Variants in DOCK4 observed in about 807,000 individuals in gnomAD.
DOCK4 encodes the protein dedicator of cytokinesis protein 4.
In DOCK4, 97 loss-of-function variants were observed where a neutral mutation model predicts 268.1. That is an observed-to-expected ratio of 0.36 (90% CI 0.31 to 0.43). The LOEUF is 0.43. Ranked by LOEUF, DOCK4 falls within the 20% of genes least tolerant of loss-of-function variation. The probability of loss-of-function intolerance (pLI) is 1.00; values close to 1 mark genes in which losing one functional copy is unlikely to be tolerated. For missense variants in DOCK4, 2,145 were observed against 2,455.7 expected, an observed-to-expected ratio of 0.87 and a Z score of 2.67; for synonymous variants, 954 against 887.2, an observed-to-expected ratio of 1.08 and a Z score of -1.34.
chr7:111,835,840 A>C (rs1196142322), intron 25 of DOCK4, among the ~76,000 whole-genome samples: 1 of 152,200 alleles, frequency 6.6e-6, no homozygotes, highest in Non-Finnish European at 1.5e-5. Context: ...CAAGGATGCT[A>C]TAATACTTAA....
intron 1 of DOCK4, among the ~76,000 whole-genome samples, chr7:112,138,478 TATTTGCAGAAGAAATTTTTACA>T (rs1814572195): frequency 6.6e-6 from 1 of 152,148 alleles, no homozygotes; most frequent in Non-Finnish European, 1.5e-5. Flanking sequence ...GCCAAGAAAG[TATTTGCAGAAGAAATTTTTACA>T]ATTTACATAT....
At chr7:111,840,901 A>T in intron 25 of DOCK4, 2 of 1,234,424 alleles carry the variant, frequency 1.6e-6, no homozygotes, top group Non-Finnish European at 1.1e-6. Flanking sequence ...AATTCAACAG[A>T]TCTTCAGTCT....
intron 1 of DOCK4, among the ~76,000 whole-genome samples, chr7:112,157,459 C>T (rs1816724464): frequency 6.6e-6 from 1 of 152,102 alleles, no homozygotes; most frequent in Admixed American, 6.5e-5. Context: ...CAACTACATA[C>T]CTGTGTAATC....
intron 20 of DOCK4, among the ~76,000 whole-genome samples, chr7:111,869,945 C>G (rs1374160225): frequency 6.6e-6 from 1 of 152,156 alleles, no homozygotes; most frequent in African/African-American, 2.4e-5. Context: ...AAGGACTGTG[C>G]CCAACCAAGT....
chr7:112,139,460 A>T (rs566928414), intron 1 of DOCK4, among the ~76,000 whole-genome samples: 1 of 152,234 alleles, frequency 6.6e-6, no homozygotes, highest in African/African-American at 2.4e-5. Flanking sequence ...GTTATTTTTT[A>T]AAATATAAAG....
At chr7:111,987,925 C>G (rs184330554) in intron 6 of DOCK4, among the ~76,000 whole-genome samples, 1 of 152,300 alleles carries the variant, frequency 6.6e-6, no homozygotes, top group African/African-American at 2.4e-5. Flanking sequence ...CAACAAAATA[C>G]CGGAAGTCCT....
intron 30 of DOCK4, among the ~76,000 whole-genome samples, chr7:111,803,441 T>C (rs1192331566): frequency 6.6e-6 from 1 of 152,236 alleles, no homozygotes; most frequent in Admixed American, 6.5e-5. Flanking sequence ...TTTTGAAGTA[T>C]TTAGGGCACC....
chr7:112,030,975 T>C (rs183900234), intron 1 of DOCK4, among the ~76,000 whole-genome samples: 19 of 152,344 alleles, frequency 1.2e-4, no homozygotes, highest in East Asian at 3.9e-4. Flanking sequence ...CCATGTTCTC[T>C]CGTGATTTGC....
At chr7:111,915,996 T>C in intron 12 of DOCK4, 92 bp from the exon 13 acceptor site, 1 of 1,378,224 alleles carries the variant, frequency 7.3e-7, no homozygotes, top group East Asian at 2.5e-5. Flanking sequence ...ATTTAGAATA[T>C]CATGGTTTTA....
intron 44 of DOCK4, among the ~76,000 whole-genome samples, chr7:111,743,556 C>T (rs182729107): frequency 5.3e-5 from 8 of 152,292 alleles, no homozygotes; most frequent in African/African-American, 9.6e-5. Flanking sequence ...TGGATCTAAA[C>T]GCAGAGGCCC....
At chr7:111,900,271 CA>C in intron 15 of DOCK4, 102 bp downstream of exon 15, 1 of 1,341,844 alleles carries the variant, frequency 7.5e-7, no homozygotes, top group South Asian at 1.5e-5. Context: ...CTGATTTTTA[CA>C]AAAGTAATCA....
At chr7:112,189,410 T>G (rs1442719882) in intron 1 of DOCK4, among the ~76,000 whole-genome samples, 1 of 152,190 alleles carries the variant, frequency 6.6e-6, no homozygotes, top group African/African-American at 2.4e-5. Context: ...CCGAAGATTT[T>G]CTACAACTGA....
intron 1 of DOCK4, among the ~76,000 whole-genome samples, chr7:112,047,928 G>A (rs1052866155): frequency 2.0e-5 from 3 of 152,040 alleles, no homozygotes; most frequent in South Asian, 2.1e-4. Flanking sequence ...TGGCCTCAAG[G>A]GATCCTCCCA....
chr7:111,739,057 C>T lies in DOCK4; in HGVS notation c.5232+77G>A, dbSNP rs191934257. 2.7e-4 allele frequency: 345 copies of T among 1,258,340 alleles called. 4 individuals are homozygous for T. In the Admixed American group the frequency reaches 5.7e-3, roughly 21 times the overall value. The allele number at this position is 1,258,340 out of a possible 1,614,324, so 77.9% of individuals were successfully genotyped here. A position where few individuals can be genotyped will look rare whatever the true frequency, so the allele number is the denominator to read the frequency against. ...CCAGCTGCTTGCTTTTGGCAGCTAC[C>T]GCGTGTTTCTGCAGAGATAGGTAAG... On this transcript the variant is annotated intron_variant, in intron 49 of 52. Transcript: ENST00000428084.
In DOCK4 at chr7:111,863,399, C is replaced by A. The variant is rs755589514; in HGVS notation, c.2446G>T (p.Val816Leu). 1.9e-6 allele frequency: 3 copies of A among 1,613,912 alleles called. No individual in the cohort carries two copies. The highest frequency in any genetic ancestry group is 2.5e-6 in the Non-Finnish European group (3 of 1,179,920). Residue 816 changes from valine (V) to leucine (L), a missense_variant, in exon 23 of 53, where the codon GTG (valine) becomes TTG (leucine). Physicochemically the swap from Val to Leu is conservative, Grantham distance 32. Transcript: ENST00000428084. ...AIKLQCIGKTVESQLYTNPDS... is the reference protein window; with the variant it reads ...AIKLQCIGKTLESQLYTNPDS... ...GGGTTGGTATAAAGCTGGCTTTCCA[C>A]GGTTTTGCCAATGCACTGCAGTTTG...
intron 1 of DOCK4, among the ~76,000 whole-genome samples, chr7:112,202,114 T>C (rs1464609337): frequency 2.0e-5 from 3 of 152,224 alleles, no homozygotes; most frequent in Non-Finnish European, 4.4e-5. Flanking sequence ...GTTGCTTTCA[T>C]ATCTCAGACA....
chr7:111,785,565 A>T (rs1336654274), intron 32 of DOCK4, among the ~76,000 whole-genome samples: 9 of 152,192 alleles, frequency 5.9e-5, no homozygotes, highest in African/African-American at 1.7e-4. Context: ...TTCCTTGACT[A>T]ACTCAAGACC....
At chr7:111,877,215 G>A (rs776022158) in intron 16 of DOCK4, 29 bp from the exon 17 acceptor site, 2 of 1,381,580 alleles carry the variant, frequency 1.4e-6, no homozygotes, top group South Asian at 1.8e-5. Flanking sequence ...AAAACATAAG[G>A]GAAGGGGAAG....
At chr7:112,007,223 T>C (rs780577813) in intron 1 of DOCK4, among the ~76,000 whole-genome samples, 3 of 152,118 alleles carry the variant, frequency 2.0e-5, no homozygotes, top group East Asian at 3.9e-4. Flanking sequence ...ACTTCGTCTA[T>C]CTGTGTCTTT....
Sources: gnomAD v4.1 joint callset for allele counts (sites outside exome capture counted in the v4.1 genomes callset) on GRCh38, gnomAD v4.1.1 for gene constraint, MANE v1.5 for transcripts, NCBI Gene and HGNC (gene_info 2026-07-23, HGNC 2026-07-21) for gene names.